CBLN2: variants seen among roughly 807,000 people sequenced by gnomAD.
The protein encoded by CBLN2 is cerebellin 2 precursor.
CBLN2 carries 7 observed loss-of-function variants against 15.0 expected under a neutral mutation model. The ratio of observed to expected loss-of-function variants is 0.47; its 90% confidence interval spans 0.27 to 0.88. The LOEUF is 0.88. Ranked by LOEUF, CBLN2 falls within the 40% of genes least tolerant of loss-of-function variation. The pLI is 0.14. For missense variants in CBLN2, 242 were observed against 304.5 expected (o/e 0.79, Z 1.53); for synonymous variants, 149 against 135.2 (o/e 1.10, Z -0.71).
chr18:72,573,870 T>G (rs1462879610), intron 1 of CBLN2, among the ~76,000 whole-genome samples: 20 of 152,224 alleles, frequency 1.3e-4, no homozygotes. Flanking sequence ...CACTATCTTC[T>G]GAAGTGTTTG....
rs191941447 is a variant in CBLN2 at position 72,593,131 on chromosome 18, T to C, written c.15+45194A>G. ...TATTGCAATTCACGAATATGCAATA[T>C]CTTTTTCTTTTTTGCTGTCCTCTTT... On this transcript the variant is annotated intron_variant, in intron 1 of 2. Transcript: ENST00000581073. Among the ~76,000 whole-genome samples, 3 of 152,260 alleles carry C rather than the reference T, an allele frequency of 2.0e-5. No homozygotes were observed. The East Asian group carries it at 5.8e-4, about 29-fold the overall frequency.
intron 1 of CBLN2, chr18:72,619,091 G>C (rs1460738010): frequency 2.7e-6 from 2 of 747,702 alleles, no homozygotes; most frequent in Admixed American, 3.5e-5. Context: ...GACCCATGAA[G>C]AGAGTAAATT....
intron 1 of CBLN2, among the ~76,000 whole-genome samples, chr18:72,592,812 G>C (rs1464117493): frequency 6.6e-6 from 1 of 151,830 alleles, no homozygotes; most frequent in Non-Finnish European, 1.5e-5. Context: ...CAGGTGTGTG[G>C]TATTTCTGGC....
chr18:72,601,143 G>A (rs1450909667), intron 1 of CBLN2, among the ~76,000 whole-genome samples: 2 of 152,144 alleles, frequency 1.3e-5, no homozygotes, highest in African/African-American at 2.4e-5. Flanking sequence ...TTTTACAAAG[G>A]TGGTTCATTA....
intron 1 of CBLN2, among the ~76,000 whole-genome samples, chr18:72,565,414 A>G (rs1040698546): frequency 6.6e-6 from 1 of 152,156 alleles, no homozygotes; most frequent in Non-Finnish European, 1.5e-5. Context: ...TCTAGTATGA[A>G]GGTTAAAAAT....
At chr18:72,618,679 G>A (rs1447896213) in intron 1 of CBLN2, 19 of 760,536 alleles carry the variant, frequency 2.5e-5, no homozygotes, top group South Asian at 4.0e-5. Flanking sequence ...ACTCATGACC[G>A]ACTGAGGCAG....
At chr18:72,593,826 A>G (rs1025501443) in intron 1 of CBLN2, among the ~76,000 whole-genome samples, 1 of 152,184 alleles carries the variant, frequency 6.6e-6, no homozygotes, top group Non-Finnish European at 1.5e-5. Context: ...TGCATATGTC[A>G]TGCATGCATA....
intron 1 of CBLN2, among the ~76,000 whole-genome samples, chr18:72,613,621 G>C (rs12606821): frequency 6.6e-6 from 1 of 152,156 alleles, no homozygotes; most frequent in Admixed American, 6.6e-5. Context: ...GAAGGAGGCA[G>C]GCTGTGAGTG....
Position 72,541,788 on chromosome 18 carries a change from C to T in CBLN2, c.357+16G>A. 1 of 1,513,436 alleles carries T rather than the reference C, an allele frequency of 6.6e-7. No homozygotes were observed. Among genetic ancestry groups the T allele is most frequent in the African/African-American group, 1.4e-5 (1 of 71,648 alleles). 93.8% of individuals were successfully genotyped at this position (1,513,436 alleles called of 1,614,324 possible). A position where few individuals can be genotyped will look rare whatever the true frequency, so the allele number is the denominator to read the frequency against. ...CTCCCCGGGCTGGGGGCGGGGTGGG[C>T]AGGCCGACGGCTGACCTGGTCGAAA... On this transcript the variant is annotated intron_variant, in intron 3 of 4. Transcript: ENST00000269503.
chr18:72,632,776 A>T (rs1197949981), intron 1 of CBLN2, among the ~76,000 whole-genome samples: 1 of 152,212 alleles, frequency 6.6e-6, no homozygotes, highest in Non-Finnish European at 1.5e-5. Context: ...CCACTAGGTT[A>T]CTTCAAACTC....
intron 1 of CBLN2, among the ~76,000 whole-genome samples, chr18:72,634,458 A>C (rs1223780623): frequency 6.6e-6 from 1 of 152,072 alleles, no homozygotes; most frequent in Non-Finnish European, 1.5e-5. Flanking sequence ...GATAAATTGG[A>C]TAAGACCCTA....
intron 1 of CBLN2, among the ~76,000 whole-genome samples, chr18:72,632,856 T>C (rs1472480083): frequency 6.6e-6 from 1 of 152,210 alleles, no homozygotes; most frequent in African/African-American, 2.4e-5. Flanking sequence ...TTCTGCTGTT[T>C]TGTAGCTGGA....
chr18:72,627,303 C>T (rs1267951669), intron 1 of CBLN2, among the ~76,000 whole-genome samples: 1 of 152,130 alleles, frequency 6.6e-6, no homozygotes, highest in Non-Finnish European at 1.5e-5. Flanking sequence ...CAGTACAGAA[C>T]ATATGTTATT....
intron 1 of CBLN2, among the ~76,000 whole-genome samples, chr18:72,552,096 TAC>T (rs2069195031): frequency 6.6e-6 from 1 of 151,786 alleles, no homozygotes. Context: ...CAGAGCAAGA[TAC>T]TTTTTTTTTT....
At chr18:72,597,631 A>G (rs576095478) in intron 1 of CBLN2, among the ~76,000 whole-genome samples, 1 of 152,270 alleles carries the variant, frequency 6.6e-6, no homozygotes, top group East Asian at 1.9e-4. Context: ...CTTCAGGGAG[A>G]CAAGTTCCCC....
intron 1 of CBLN2, among the ~76,000 whole-genome samples, chr18:72,613,961 G>A (rs902659334): frequency 1.3e-5 from 2 of 152,170 alleles, no homozygotes; most frequent in Non-Finnish European, 2.9e-5. Flanking sequence ...CTAGCCCAGA[G>A]ATGTGTTTTG....
At chr18:72,637,041 C>CAAAAAA (rs113009406) in intron 1 of CBLN2, among the ~76,000 whole-genome samples, 1 of 127,594 alleles carries the variant, frequency 7.8e-6, no homozygotes, top group Non-Finnish European at 1.7e-5. Flanking sequence ...AACAAAACTG[C>CAAAAAA]AAAAAAAAAA....
upstream of CBLN2, among the ~76,000 whole-genome samples, chr18:72,546,365 A>G (rs2144875718): frequency 6.6e-6 from 1 of 151,906 alleles, no homozygotes; most frequent in Admixed American, 6.5e-5. Context: ...TGAACCTGGG[A>G]GGCGGAGCTT....
intron 3 of CBLN2, chr18:72,539,495 T>C (rs764008072): frequency 6.6e-6 from 1 of 152,280 alleles, no homozygotes; most frequent in East Asian, 1.9e-4. Flanking sequence ...GCCTGAGCCA[T>C]GGTGCCCTGT....
Sources: allele counts gnomAD v4.1 joint callset (sites outside exome capture counted in the v4.1 genomes callset), GRCh38; gene constraint gnomAD v4.1.1; transcripts MANE v1.5; gene names NCBI Gene and HGNC (gene_info 2026-07-23, HGNC 2026-07-21).